Variants in MYO3B observed in about 807,000 individuals in gnomAD.
MYO3B encodes the protein myosin-IIIb.
In MYO3B, 156 loss-of-function variants were observed where a neutral mutation model predicts 174.6. The ratio of observed to expected loss-of-function variants is 0.89; its 90% CI spans 0.78 to 1.02. MYO3B has a LOEUF of 1.02. MYO3B is among the 50% of genes least tolerant of loss of function. MYO3B has a pLI of 0.00. For synonymous variants in MYO3B, 563 were observed against 569.1 expected, an observed-to-expected ratio of 0.99 and a Z score of 0.15; for missense variants, 1,632 against 1,639.4, an observed-to-expected ratio of 1.00 and a Z score of 0.08.
chr2:170,463,917 AG>A (rs1163350871), intron 24 of MYO3B, among the ~76,000 whole-genome samples: 1 of 152,182 alleles, frequency 6.6e-6, no homozygotes, highest in African/African-American at 2.4e-5. Context: ...GGTCTCTAGA[AG>A]GGCTCTGTTA....
intron 3 of MYO3B, among the ~76,000 whole-genome samples, chr2:170,213,909 T>C (rs2092800058): frequency 6.6e-6 from 1 of 152,314 alleles, no homozygotes; most frequent in Admixed American, 6.5e-5. Context: ...GAGAAATCAC[T>C]GAAATTTATT....
intron 32 of MYO3B, among the ~76,000 whole-genome samples, chr2:170,563,031 T>TACACAC (rs56861648): frequency 0.47 from 64,460 of 138,288 alleles, 16,059 homozygotes; most frequent in Non-Finnish European, 0.58. Context: ...AAAACATGCA[T>TACACAC]ACACACACAC....
chr2:170,580,257 A>T (rs1309451189), intron 32 of MYO3B, among the ~76,000 whole-genome samples: 1 of 152,318 alleles, frequency 6.6e-6, no homozygotes, highest in Admixed American at 6.5e-5. Flanking sequence ...TTGCAATTTT[A>T]TAACAGTATG....
At chr2:170,180,250 G>A (rs2092381514) in intron 1 of MYO3B, 1 of 349,514 alleles carries the variant, frequency 2.9e-6, no homozygotes, top group Non-Finnish European at 6.1e-6. Flanking sequence ...ACCAATTTGG[G>A]GTTGTTAAGG....
At chr2:170,212,913 G>T (rs1404844856) in intron 3 of MYO3B, among the ~76,000 whole-genome samples, 2 of 152,176 alleles carry the variant, frequency 1.3e-5, no homozygotes, top group Non-Finnish European at 2.9e-5. Flanking sequence ...GATTCTCTGG[G>T]GACCCCCTTT....
At chr2:170,511,675 C>T (rs13428417) in intron 28 of MYO3B, among the ~76,000 whole-genome samples, 3 of 152,154 alleles carry the variant, frequency 2.0e-5, no homozygotes, top group Non-Finnish European at 1.5e-5. Context: ...TATTTGCTGT[C>T]GTTCCTTCTA....
intron 32 of MYO3B, among the ~76,000 whole-genome samples, chr2:170,625,578 T>C (rs781633823): frequency 6.6e-6 from 1 of 152,250 alleles, no homozygotes; most frequent in South Asian, 2.1e-4. Context: ...ATCTTAGTTA[T>C]TTCTTGCTTT....
intron 22 of MYO3B, among the ~76,000 whole-genome samples, chr2:170,414,998 A>G (rs1013963622): frequency 4.6e-5 from 7 of 152,184 alleles, no homozygotes; most frequent in Non-Finnish European, 8.8e-5. Flanking sequence ...GATTTTCTGT[A>G]TAGATAATCA....
intron 32 of MYO3B, among the ~76,000 whole-genome samples, chr2:170,552,361 A>G (rs1322099680): frequency 1.3e-5 from 2 of 152,152 alleles, no homozygotes; most frequent in African/African-American, 4.8e-5. Flanking sequence ...CTTCAGATAG[A>G]GATGAGAAAC....
intron 7 of MYO3B, among the ~76,000 whole-genome samples, chr2:170,284,625 A>T (rs978005140): frequency 1.3e-5 from 2 of 152,220 alleles, no homozygotes; most frequent in Non-Finnish European, 2.9e-5. Flanking sequence ...AGTGGCCTAC[A>T]TTGTTAAATT....
At chr2:170,605,950 C>T (rs973722695) in intron 32 of MYO3B, among the ~76,000 whole-genome samples, 2 of 152,162 alleles carry the variant, frequency 1.3e-5, no homozygotes, top group African/African-American at 4.8e-5. Context: ...TCATTTTCCA[C>T]ATCCAGAGCA....
intron 8 of MYO3B, among the ~76,000 whole-genome samples, chr2:170,363,810 A>G (rs1179035592): frequency 6.6e-6 from 1 of 152,170 alleles, no homozygotes; most frequent in Non-Finnish European, 1.5e-5. Context: ...AGTCTCTTGC[A>G]TATATCTCAT....
intron 22 of MYO3B, among the ~76,000 whole-genome samples, chr2:170,411,214 C>T (rs2094544038): frequency 6.6e-6 from 1 of 152,002 alleles, no homozygotes; most frequent in South Asian, 2.1e-4. Flanking sequence ...GGTAACATTC[C>T]CTTCATTAGT....
intron 22 of MYO3B, among the ~76,000 whole-genome samples, chr2:170,423,948 A>G (rs2094640028): frequency 6.6e-6 from 1 of 152,194 alleles, no homozygotes; most frequent in African/African-American, 2.4e-5. Flanking sequence ...TATTATCAGT[A>G]CTGAGCAATG....
At chr2:170,340,404 C>G (rs532501080) in intron 8 of MYO3B, 5 of 152,274 alleles carry the variant, frequency 3.3e-5, no homozygotes, top group Admixed American at 6.5e-5. Context: ...ATGAACTGTT[C>G]TTTCTTGAGG....
chr2:170,263,907 C>A (rs2093363641), intron 7 of MYO3B, among the ~76,000 whole-genome samples: 1 of 152,200 alleles, frequency 6.6e-6, no homozygotes, highest in Non-Finnish European at 1.5e-5. Flanking sequence ...TCCCGTGAGG[C>A]CATATCTCAG....
At chr2:170,551,742 T>C (rs749132289) in intron 32 of MYO3B, among the ~76,000 whole-genome samples, 4 of 152,106 alleles carry the variant, frequency 2.6e-5, no homozygotes, top group Admixed American at 1.3e-4. Flanking sequence ...GTGACTGATA[T>C]GGTTTAGCTC....
At chr2:170,617,529 A>C (rs1464080410) in intron 32 of MYO3B, among the ~76,000 whole-genome samples, 2 of 152,150 alleles carry the variant, frequency 1.3e-5, no homozygotes, top group African/African-American at 4.8e-5. Context: ...TGAGGTGACA[A>C]AGTGGATTTA....
chr2:170,492,759 G>A (rs548272732), intron 25 of MYO3B, among the ~76,000 whole-genome samples: 6 of 152,240 alleles, frequency 3.9e-5, no homozygotes, highest in Non-Finnish European at 7.4e-5. Context: ...ATGGAGACCT[G>A]ATAGACTTTG....
Sources: allele counts gnomAD v4.1 joint callset (sites outside exome capture counted in the v4.1 genomes callset), GRCh38; gene constraint gnomAD v4.1.1; transcripts MANE v1.5; gene names NCBI Gene and HGNC (gene_info 2026-07-23, HGNC 2026-07-21).